SPRR1A: variants seen among roughly 807,000 people sequenced by gnomAD.
SPRR1A encodes the protein small proline rich protein 1A.
For synonymous variants in SPRR1A, 40 were observed against 39.2 expected, an observed-to-expected ratio of 1.02 and a Z score of -0.07; for missense variants, 123 against 105.4, an observed-to-expected ratio of 1.17 and a Z score of -0.73.
chr1:152,985,630 C>T (rs1207820294), downstream of SPRR1A: 13 of 1,437,938 alleles, frequency 9.0e-6, no homozygotes, highest in East Asian at 3.1e-4. Context: ...CATAATCGCT[C>T]CTTTGCACCT....
exon 1 of SPRR1A, chr1:152,985,300 C>T (rs145057926): frequency 4.3e-6 from 7 of 1,613,770 alleles, no homozygotes; most frequent in Admixed American, 3.3e-5. Context: ...GGTGAAACAA[C>T]CTTGCCAGCC....
downstream of SPRR1A, chr1:152,985,603 A>G: frequency 6.6e-7 from 1 of 1,510,318 alleles, no homozygotes; most frequent in Non-Finnish European, 8.9e-7. Context: ...TGCAGTTAGC[A>G]TGCTGTCACC....
At chr1:152,985,143 A>G (rs1016974651), upstream of SPRR1A, 10 of 1,511,096 alleles carry the variant, frequency 6.6e-6, no homozygotes, top group Non-Finnish European at 8.9e-6. Flanking sequence ...CTGAAATAAA[A>G]TCTGTTTGGC....
chr1:152,984,083 C>G (rs372386487), upstream of SPRR1A, among the ~76,000 whole-genome samples: 1 of 152,110 alleles, frequency 6.6e-6, no homozygotes, highest in African/African-American at 2.4e-5. Flanking sequence ...GCCTTCACAC[C>G]AAACCCAAGG....
rs1205583730 is a variant in SPRR1A at position 152,985,474 on chromosome 1, G to A, written c.244G>A (p.Ala82Thr). ...CCCTTCAACGGTCACTCCAGCACCAGCCCAGCAGAAGACCAAGCAGAAGTA... is the reference window on the plus strand; with the variant it reads ...CCCTTCAACGGTCACTCCAGCACCAACCCAGCAGAAGACCAAGCAGAAGTA... Residue 82 changes from alanine to threonine, a missense_variant, in exon 1 of 1, where the codon GCC becomes ACC. Coordinates refer to ENST00000368762, the Ensembl canonical transcript of SPRR1A. 6.2e-7 allele frequency: 1 copy of A among 1,613,532 alleles called. No homozygotes were observed. Among genetic ancestry groups the A allele is most frequent in the African/African-American group, 1.3e-5 (1 of 74,846 alleles).
At chr1:152,985,490 A>G in exon 1 of SPRR1A, 1 of 1,613,068 alleles carries the variant, frequency 6.2e-7, no homozygotes, top group Non-Finnish European at 8.5e-7. Context: ...CAGAAGACCA[A>G]GCAGAAGTAA....
chr1:152,985,274 A>T (rs1252005996), exon 1 of SPRR1A: 1 of 1,613,758 alleles, frequency 6.2e-7, no homozygotes, highest in East Asian at 2.2e-5. Context: ...CCACCCCCTC[A>T]GCCTCAGCAG....
chr1:152,984,534 A>C (rs1652249355), upstream of SPRR1A, among the ~76,000 whole-genome samples: 2 of 152,302 alleles, frequency 1.3e-5, no homozygotes, highest in East Asian at 1.9e-4. Context: ...GGACAAATCA[A>C]TGCCTAACGT....
At chr1:152,985,250 A>G in exon 1 of SPRR1A, 1 of 1,610,204 alleles carries the variant, frequency 6.2e-7, no homozygotes, top group Non-Finnish European at 8.5e-7. Context: ...CAGCAGCAGA[A>G]GCAGCCTTGC....
At chr1:152,984,615 A>T (rs564534360), upstream of SPRR1A, among the ~76,000 whole-genome samples, 9 of 152,308 alleles carry the variant, frequency 5.9e-5, no homozygotes, top group East Asian at 1.7e-3. Context: ...TGCAAAGTAG[A>T]TAGTAATTGG....
At chr1:152,984,258 A>G (rs1652236720), upstream of SPRR1A, among the ~76,000 whole-genome samples, 1 of 152,186 alleles carries the variant, frequency 6.6e-6, no homozygotes, top group African/African-American at 2.4e-5. Context: ...GAATATCTTT[A>G]TTTTAAGTTA....
At chr1:152,984,505 G>A (rs978783108), upstream of SPRR1A, among the ~76,000 whole-genome samples, 8 of 152,078 alleles carry the variant, frequency 5.3e-5, no homozygotes, top group Non-Finnish European at 1.2e-4. Context: ...TCCATTTAAG[G>A]CAGTATGCTA....
downstream of SPRR1A, chr1:152,985,577 A>G: frequency 6.5e-7 from 1 of 1,532,766 alleles, no homozygotes; most frequent in Non-Finnish European, 8.8e-7. Context: ...TATGAATCCC[A>G]TTTGCCTATT....
chr1:152,985,630 C>A, downstream of SPRR1A: 2 of 1,438,056 alleles, frequency 1.4e-6, no homozygotes, highest in Non-Finnish European at 1.9e-6. Flanking sequence ...CATAATCGCT[C>A]CTTTGCACCT....
exon 1 of SPRR1A, chr1:152,985,450 C>T (rs780335570): frequency 6.2e-7 from 1 of 1,613,908 alleles, no homozygotes; most frequent in African/African-American, 1.3e-5. Context: ...TGAGCCCTGC[C>T]CTTCAACGGT....
chr1:152,985,243 C>A (rs780819567), exon 1 of SPRR1A: 1 of 1,608,086 alleles, frequency 6.2e-7, no homozygotes, highest in South Asian at 1.1e-5. Flanking sequence ...GAATTCTCAG[C>A]AGCAGAAGCA....
At chr1:152,985,385 A>G in exon 1 of SPRR1A, 1 of 1,572,088 alleles carries the variant, frequency 6.4e-7, no homozygotes, top group Non-Finnish European at 8.7e-7. Flanking sequence ...TGCCACCCCA[A>G]AGTGCCTGAG....
chr1:152,985,422 C>T (rs79350628), exon 1 of SPRR1A: 37 of 1,580,638 alleles, frequency 2.3e-5, no homozygotes, highest in Non-Finnish European at 3.0e-5. Context: ...TTCCAGAGCC[C>T]TGCCAGCCCA....
chr1:152,985,470 A>C, exon 1 of SPRR1A: 1 of 1,613,674 alleles, frequency 6.2e-7, no homozygotes, highest in Non-Finnish European at 8.5e-7. Context: ...TCACTCCAGC[A>C]CCAGCCCAGC....
Sources: gnomAD v4.1 joint callset for allele counts (sites outside exome capture counted in the v4.1 genomes callset) on GRCh38, gnomAD v4.1.1 for gene constraint, MANE v1.5 for transcripts, NCBI Gene and HGNC (gene_info 2026-07-23, HGNC 2026-07-21) for gene names.